Variants in TEX10 observed in about 807,000 individuals in gnomAD.
TEX10 encodes testis expressed 10.
A neutral mutation model predicts 104.4 loss-of-function variants in TEX10; 24 were observed. That is an observed-to-expected ratio of 0.23 (90% confidence interval 0.17 to 0.32). The LOEUF (loss-of-function observed/expected upper bound fraction) is 0.32. Ranked by LOEUF, TEX10 falls within the 10% of genes least tolerant of loss-of-function variation. The pLI, the probability that TEX10 is intolerant of heterozygous loss-of-function variation, is 1.00. For synonymous variants in TEX10, 396 were observed against 393.4 expected, an observed-to-expected ratio of 1.01 and a Z score of -0.08; for missense variants, 921 against 1,083.9, an observed-to-expected ratio of 0.85 and a Z score of 2.11.
At chr9:100,333,613 G>C (rs1237012554) in intron 5 of TEX10, among the ~76,000 whole-genome samples, 1 of 134,544 alleles carries the variant, frequency 7.4e-6, no homozygotes, top group Non-Finnish European at 1.5e-5. Context: ...AATCAGCCTG[G>C]ACAACATAAG....
chr9:100,340,961 C>A (rs986187334), intron 4 of TEX10, among the ~76,000 whole-genome samples: 4 of 151,972 alleles, frequency 2.6e-5, no homozygotes. Flanking sequence ...GGTCACCCTA[C>A]AGCTCAATTT....
chr9:100,352,720 G>A (rs1835493504), intron 1 of TEX10, 52 bp downstream of exon 1: 7 of 1,253,362 alleles, frequency 5.6e-6, no homozygotes, highest in African/African-American at 1.6e-5. Context: ...GCCCCACCAC[G>A]CTCAGTCCCG....
At chr9:100,347,549 T>C in intron 2 of TEX10, 143 bp from the exon 3 acceptor site, 2 of 564,128 alleles carry the variant, frequency 3.5e-6, no homozygotes, top group Non-Finnish European at 5.8e-6. Context: ...GTTATTTAGC[T>C]TTTGTTAGGA....
intron 11 of TEX10, among the ~76,000 whole-genome samples, chr9:100,315,662 T>A (rs1007027293): frequency 1.3e-5 from 2 of 152,200 alleles, no homozygotes; most frequent in African/African-American, 4.8e-5. Flanking sequence ...TTTCAGCCAA[T>A]AAAGTACTTT....
chr9:100,312,900 G>A (rs1834314755), intron 11 of TEX10, among the ~76,000 whole-genome samples: 1 of 152,200 alleles, frequency 6.6e-6, no homozygotes, highest in Non-Finnish European at 1.5e-5. Context: ...CCCTAGCATT[G>A]TGACCAGAGT....
rs1263374646 is a variant in TEX10, at chr9:100,330,004, A to G, written c.1416T>C (p.Ser472=). 1.2e-6 allele frequency: 2 copies of G among 1,614,144 alleles called. No individual in the cohort carries two copies. The highest frequency in any genetic ancestry group is 1.7e-6 in the Non-Finnish European group (2 of 1,180,002). ...KFVTETLEDG[S]RLNSKQLNRL... ...TGTTCAGTTGCTTACTATTTAGCCT[A>G]GAGCCATCTTCAAGGGTCTCTGTTA... Residue 472 remains serine, a synonymous_variant, in exon 6 of 15, where the codon TCT becomes TCC. Transcript: ENST00000374902.
intron 5 of TEX10, among the ~76,000 whole-genome samples, chr9:100,338,644 A>G (rs1460770596): frequency 6.6e-6 from 1 of 152,212 alleles, no homozygotes; most frequent in Admixed American, 6.5e-5. Flanking sequence ...TAATCCCAGC[A>G]CTTTGGGAGG....
At chr9:100,324,394 G>A (rs890763308) in intron 9 of TEX10, among the ~76,000 whole-genome samples, 1 of 152,090 alleles carries the variant, frequency 6.6e-6, no homozygotes, top group Non-Finnish European at 1.5e-5. Flanking sequence ...CAAGAAGGCT[G>A]AAAAGTCCTA....
At chr9:100,329,025 G>T in intron 7 of TEX10, 115 bp downstream of exon 7, 1 of 1,138,110 alleles carries the variant, frequency 8.8e-7, no homozygotes, top group Non-Finnish European at 1.2e-6. Context: ...CAAACAAGTA[G>T]GATTAAAAAG....
intron 1 of TEX10, among the ~76,000 whole-genome samples, chr9:100,351,263 C>T (rs1003714378): frequency 1.8e-4 from 28 of 151,694 alleles, no homozygotes. Flanking sequence ...CCAGAATTAA[C>T]CTGAAGACTG....
chr9:100,324,271 G>T (rs1196397443), intron 9 of TEX10, among the ~76,000 whole-genome samples: 1 of 152,004 alleles, frequency 6.6e-6, no homozygotes, highest in Non-Finnish European at 1.5e-5. Flanking sequence ...GACCTCAAGT[G>T]ATCTGCCTGC....
chr9:100,314,007 GTA>G (rs1479566435), intron 11 of TEX10, among the ~76,000 whole-genome samples: 1 of 151,932 alleles, frequency 6.6e-6, no homozygotes, highest in African/African-American at 2.4e-5. Context: ...AGGAGAATGA[GTA>G]TTAGCTCTTT....
chr9:100,333,860 T>C (rs1834937995), intron 5 of TEX10, among the ~76,000 whole-genome samples: 1 of 152,108 alleles, frequency 6.6e-6, no homozygotes, highest in African/African-American at 2.4e-5. Flanking sequence ...GGAAATTTAA[T>C]GGATAAAGTA....
At chr9:100,348,425 A>G (rs1835355385) in intron 2 of TEX10, among the ~76,000 whole-genome samples, 2 of 152,238 alleles carry the variant, frequency 1.3e-5, no homozygotes, top group African/African-American at 2.4e-5. Context: ...TGTAAATTAT[A>G]TCTCCATAAA....
Position 100,349,252 on chromosome 9 carries a change from T to A in TEX10, c.112A>T (p.Ile38Leu), listed in dbSNP as rs776609781. The change falls in exon 2 of 15, where the codon ATA (isoleucine) becomes TTA (leucine). Residue 38 changes from isoleucine (I) to leucine (L), a missense_variant. Coordinates refer to ENST00000374902, the MANE Select transcript of TEX10 (RefSeq NM_017746.4). The stretch of plus-strand genomic sequence containing the variant: ...TCTTTGAGTTGCTCAGGCAGATGTA[T>A]AGTCTTTGTTTTAAAGTTTGTAGGA... ...ATPTNFKTKT[I>L]HLPEQLKEDG... 6.2e-7 allele frequency: 1 copy of A among 1,606,220 alleles called. No individual in the cohort carries two copies. Among genetic ancestry groups the A allele is most frequent in the Admixed American group, 1.7e-5 (1 of 58,552 alleles).
intron 1 of TEX10, among the ~76,000 whole-genome samples, chr9:100,349,659 G>GT (rs35135513): frequency 0.011 from 1,722 of 150,572 alleles, 33 homozygotes; most frequent in African/African-American, 0.036. Context: ...TCTGAAATGT[G>GT]TTTTTTTTTT....
At chr9:100,325,549 G>A (rs1441612307) in intron 9 of TEX10, among the ~76,000 whole-genome samples, 1 of 151,856 alleles carries the variant, frequency 6.6e-6, no homozygotes, top group East Asian at 1.9e-4. Context: ...TCTTTTTTTT[G>A]AGACAGAGTC....
At position 100,326,399 on chromosome 9, in the gene TEX10, G is replaced by A. The variant is rs756874903; in HGVS notation, c.1882C>T (p.Leu628=). 6.2e-7 allele frequency: 1 copy of A among 1,613,952 alleles called. No individual in the cohort carries two copies. Residue 628 remains leucine, a synonymous_variant, in exon 9 of 15, where the codon CTG becomes TTG. Transcript: ENST00000374902. The stretch of plus-strand genomic sequence containing the variant: ...AACCGAGAAAGCAAATCAGCCGGCA[G>A]ACTGGGTAGGAAATATACAAGCTGA... The part of the protein sequence containing the change: ...LVQLVYFLPS[L]PADLLSRLSR...
At position 100,312,329 on chromosome 9, in the gene TEX10, A is replaced by C. The variant is rs575359153; in HGVS notation, c.2203-1950T>G. On this transcript the variant is annotated intron_variant, in intron 11 of 14. Coordinates refer to ENST00000374902, the MANE Select transcript of TEX10 (RefSeq NM_017746.4). ...GATGGCCCAGAGTAGACAGCCCGAAAGAACCAGAGCCCAAATGGAGTGAGA... is the reference window on the plus strand; with the variant it reads ...GATGGCCCAGAGTAGACAGCCCGAACGAACCAGAGCCCAAATGGAGTGAGA... 1.9e-4 allele frequency among the ~76,000 whole-genome samples: 29 copies of C among 152,356 alleles called. 2 individuals are homozygous for C. In the South Asian group the frequency reaches 6.0e-3, roughly 32 times the overall value.
Sources: gnomAD v4.1 joint callset for allele counts (sites outside exome capture counted in the v4.1 genomes callset) on GRCh38, gnomAD v4.1.1 for gene constraint, MANE v1.5 for transcripts, NCBI Gene and HGNC (gene_info 2026-07-23, HGNC 2026-07-21) for gene names.